Variants in ST8SIA1 observed in about 807,000 individuals in gnomAD.
ST8SIA1 encodes the protein alpha-N-acetylneuraminide alpha-2,8-sialyltransferase.
ST8SIA1 carries 16 observed loss-of-function variants against 35.9 expected under a neutral mutation model. The ratio of observed to expected loss-of-function variants is 0.45; its 90% CI spans 0.30 to 0.68. The LOEUF (loss-of-function observed/expected upper bound fraction) is 0.68. ST8SIA1 is among the 30% of genes least tolerant of loss of function. The pLI is 0.09. For synonymous variants in ST8SIA1, 170 were observed against 169.6 expected (o/e 1.00, Z -0.02); for missense variants, 383 against 453.6 (o/e 0.84, Z 1.41).
rs1229106731 is a variant in ST8SIA1, at chr12:22,287,169, T to C, written c.361A>G (p.Thr121Ala). Residue 121 changes from threonine (T) to alanine (A), a missense_variant, in exon 2 of 5, where the codon ACT (threonine) becomes GCT (alanine). By Grantham distance (58) the Thr-to-Ala change is moderately conservative (BLOSUM62 0). Transcript: ENST00000396037. ...FLYSFTIDNSTYSLFPQATPF... is the reference protein window; with the variant it reads ...FLYSFTIDNSAYSLFPQATPF... ...CTAACCTGTGGGAAGAGAGAGTAAG[T>C]TGAATTGTCAATGGTGAATGAGTAT... is the stretch of plus-strand genomic sequence containing the variant. 2 of 1,613,886 alleles carry C rather than the reference T, an allele frequency of 1.2e-6. No homozygotes were observed. The highest frequency in any genetic ancestry group is 2.7e-5 in the African/African-American group (2 of 74,922).
chr12:22,291,625 T>C (rs762383316), intron 1 of ST8SIA1, among the ~76,000 whole-genome samples: 5 of 152,222 alleles, frequency 3.3e-5, no homozygotes. Flanking sequence ...ACAGGGAGTG[T>C]CATCAGAGTT....
At chr12:22,307,357 C>G (rs950335405) in intron 1 of ST8SIA1, among the ~76,000 whole-genome samples, 1 of 152,128 alleles carries the variant, frequency 6.6e-6, no homozygotes, top group East Asian at 1.9e-4. Flanking sequence ...AGAAACCCTC[C>G]AATATCTTGG....
At chr12:22,305,526 G>A (rs539126693) in intron 1 of ST8SIA1, among the ~76,000 whole-genome samples, 146 of 151,816 alleles carry the variant, frequency 9.6e-4, no homozygotes, top group Non-Finnish European at 1.7e-3. Flanking sequence ...GATCACAGGC[G>A]CCCACTACTA....
intron 1 of ST8SIA1, among the ~76,000 whole-genome samples, chr12:22,313,119 CT>C (rs989176750): frequency 1.7e-4 from 26 of 152,246 alleles, no homozygotes; most frequent in African/African-American, 5.5e-4. Flanking sequence ...CATATGAGAC[CT>C]TGAGTATGTT....
At chr12:22,255,572 T>C (rs1361889624) in intron 2 of ST8SIA1, among the ~76,000 whole-genome samples, 183 bp from the exon 3 acceptor site, 2 of 152,158 alleles carry the variant, frequency 1.3e-5, no homozygotes, top group Non-Finnish European at 2.9e-5. Flanking sequence ...CCTTGAAATT[T>C]AAAAAGCAAA....
rs752715693 is a variant in ST8SIA1, at chr12:22,255,409, C to A, written c.382-20G>T. The stretch of plus-strand genomic sequence containing the variant: ...GGTTGCCTAGCAACAGAAAACAAGG[C>A]GGGTTTTCACTGCAAAGAACACACA... On this transcript the variant is annotated intron_variant, in intron 2 of 4. Coordinates refer to ENST00000396037, the MANE Select transcript of ST8SIA1 (RefSeq NM_003034.4). 11 of 1,598,618 alleles carry A rather than the reference C, an allele frequency of 6.9e-6. No individual in the cohort carries two copies. Among genetic ancestry groups the A allele is most frequent in the Non-Finnish European group, 8.6e-6 (10 of 1,165,846 alleles).
At chr12:22,255,221 TG>T in intron 3 of ST8SIA1, 58 bp downstream of exon 3, 2 of 1,383,398 alleles carry the variant, frequency 1.4e-6, no homozygotes, top group Non-Finnish European at 2.1e-6. Context: ...CCAGGGCTTA[TG>T]GGAGGGGTGG....
chr12:22,215,377 G>A (rs1024587129), intron 4 of ST8SIA1, among the ~76,000 whole-genome samples: 1 of 152,178 alleles, frequency 6.6e-6, no homozygotes, highest in Non-Finnish European at 1.5e-5. Context: ...TATGCACTGA[G>A]GGATGTAGCA....
intron 4 of ST8SIA1, among the ~76,000 whole-genome samples, chr12:22,205,266 G>A (rs1291233340): frequency 6.6e-6 from 1 of 151,678 alleles, no homozygotes; most frequent in African/African-American, 2.4e-5. Flanking sequence ...GAATATTTGT[G>A]TACTATATGA....
At chr12:22,315,860 A>G (rs1280477236) in intron 1 of ST8SIA1, among the ~76,000 whole-genome samples, 1 of 152,142 alleles carries the variant, frequency 6.6e-6, no homozygotes, top group African/African-American at 2.4e-5. Context: ...ATCGGGATAA[A>G]CAGATAATGC....
At chr12:22,270,711 T>C (rs1865902971) in intron 2 of ST8SIA1, among the ~76,000 whole-genome samples, 1 of 152,206 alleles carries the variant, frequency 6.6e-6, no homozygotes, top group African/African-American at 2.4e-5. Flanking sequence ...GGACGCTGTA[T>C]GTGATTCTGG....
intron 1 of ST8SIA1, among the ~76,000 whole-genome samples, chr12:22,321,577 T>C (rs1866602248): frequency 6.6e-6 from 1 of 152,104 alleles, no homozygotes. Context: ...TGCTTTAAAA[T>C]AAACAAAACT....
chr12:22,238,118 A>T (rs2120715952), intron 4 of ST8SIA1, among the ~76,000 whole-genome samples: 1 of 152,176 alleles, frequency 6.6e-6, no homozygotes, highest in Admixed American at 6.5e-5. Flanking sequence ...AGATGGCCAC[A>T]AAAACTCTCC....
At chr12:22,291,805 A>G (rs1359242867) in intron 1 of ST8SIA1, among the ~76,000 whole-genome samples, 1 of 152,186 alleles carries the variant, frequency 6.6e-6, no homozygotes, top group Non-Finnish European at 1.5e-5. Context: ...TTTATTATGA[A>G]AGCTGTTAGT....
At chr12:22,314,596 G>C (rs1235411761) in intron 1 of ST8SIA1, among the ~76,000 whole-genome samples, 2 of 152,176 alleles carry the variant, frequency 1.3e-5, no homozygotes, top group Non-Finnish European at 2.9e-5. Flanking sequence ...GAGGACCCAA[G>C]TAGTGTCAAA....
intron 1 of ST8SIA1, among the ~76,000 whole-genome samples, chr12:22,300,883 G>A (rs575411506): frequency 2.5e-4 from 38 of 152,112 alleles, no homozygotes; most frequent in Admixed American, 7.9e-4. Context: ...CATATTTGAC[G>A]TATTTGGTAT....
intron 1 of ST8SIA1, among the ~76,000 whole-genome samples, chr12:22,293,050 T>C (rs1057337860): frequency 6.6e-6 from 1 of 152,242 alleles, no homozygotes; most frequent in African/African-American, 2.4e-5. Context: ...TTTTCTTCTG[T>C]GTTGTCTGTT....
chr12:22,238,339 G>A (rs886147315), intron 4 of ST8SIA1, among the ~76,000 whole-genome samples: 8 of 152,172 alleles, frequency 5.3e-5, no homozygotes, highest in African/African-American at 1.7e-4. Context: ...TAGCTTTGGG[G>A]AAAGCCAGCT....
intron 1 of ST8SIA1, among the ~76,000 whole-genome samples, chr12:22,313,732 T>C (rs533952793): frequency 1.3e-5 from 2 of 152,334 alleles, no homozygotes; most frequent in South Asian, 2.1e-4. Flanking sequence ...GGTACTGCTA[T>C]ATCTGGAACA....
Sources: allele counts gnomAD v4.1 joint callset (sites outside exome capture counted in the v4.1 genomes callset), GRCh38; gene constraint gnomAD v4.1.1; transcripts MANE v1.5; gene names NCBI Gene and HGNC (gene_info 2026-07-23, HGNC 2026-07-21).